SYT1: variants seen among roughly 807,000 people sequenced by gnomAD.
The protein encoded by SYT1 is synaptotagmin-1.
A neutral mutation model predicts 44.8 loss-of-function variants in SYT1; 8 were observed. The ratio of observed to expected loss-of-function variants is 0.18; its 90% CI spans 0.10 to 0.32. SYT1 has a LOEUF of 0.32. SYT1 is among the 10% of genes least tolerant of loss of function. SYT1 has a pLI of 1.00. For synonymous variants in SYT1, 154 were observed against 188.8 expected, an observed-to-expected ratio of 0.82 and a Z score of 1.51; for missense variants, 286 against 509.3, an observed-to-expected ratio of 0.56 and a Z score of 4.22.
At chr12:79,224,780 T>G (rs1875408448) in intron 4 of SYT1, among the ~76,000 whole-genome samples, 1 of 83,956 alleles carries the variant, frequency 1.2e-5, no homozygotes, top group East Asian at 2.7e-4. Flanking sequence ...TTATTATTAT[T>G]ATTATTATTA....
intron 1 of SYT1, among the ~76,000 whole-genome samples, chr12:78,937,423 A>C (rs1489572532): frequency 6.6e-6 from 1 of 152,134 alleles, no homozygotes; most frequent in Non-Finnish European, 1.5e-5. Flanking sequence ...CAAACAATGA[A>C]AATGTATCTT....
chr12:79,059,390 G>A (rs984100028), intron 3 of SYT1, among the ~76,000 whole-genome samples: 1 of 151,892 alleles, frequency 6.6e-6, no homozygotes, highest in South Asian at 2.1e-4. Flanking sequence ...ATATAATATT[G>A]TTTACCTATA....
chr12:79,125,803 C>T (rs2138154357), intron 3 of SYT1, among the ~76,000 whole-genome samples: 1 of 152,276 alleles, frequency 6.6e-6, no homozygotes, highest in East Asian at 1.9e-4. Context: ...AGGTAGCCCC[C>T]AAGTTTCTTC....
chr12:78,987,044 A>T (rs1236564016), intron 2 of SYT1, among the ~76,000 whole-genome samples: 1 of 152,050 alleles, frequency 6.6e-6, no homozygotes, highest in Admixed American at 6.6e-5. Flanking sequence ...CTGAATGAAT[A>T]TTGTCGTTCA....
chr12:79,171,991 A>G (rs1012474064), intron 3 of SYT1, among the ~76,000 whole-genome samples: 3 of 152,002 alleles, frequency 2.0e-5, no homozygotes, highest in African/African-American at 7.2e-5. Flanking sequence ...TTTTAAAGGT[A>G]TCTTGATTGT....
intron 6 of SYT1, among the ~76,000 whole-genome samples, chr12:79,294,441 A>G (rs1879781894): frequency 1.3e-5 from 2 of 152,138 alleles, no homozygotes; most frequent in African/African-American, 2.4e-5. Flanking sequence ...TGGATCAAAT[A>G]TATGTTTACC....
rs149496899 is a variant in SYT1, at chr12:78,931,405, G to GAGGAAGGAAGGAAGGA, written c.-216-46380_-216-46365dup. On this transcript the variant is annotated intron_variant, in intron 1 of 10. Coordinates refer to ENST00000261205, the MANE Select transcript of SYT1 (RefSeq NM_005639.3). ...GGAAGGAAGGAAGGAAGGGAGGAGA[G>GAGGAAGGAAGGAAGGA]AGGAAGGAAGGAAGGAAGGAAGGAA... 2.3e-4 allele frequency among the ~76,000 whole-genome samples: 21 copies of GAGGAAGGAAGGAAGGA among 92,106 alleles called. 1 individual carries two copies. The highest frequency in any genetic ancestry group is 9.5e-4 in the African/African-American group (20 of 21,080). 60.4% of individuals were successfully genotyped at this position (92,106 alleles called of 152,430 possible). A position where few individuals can be genotyped will look rare whatever the true frequency, so the allele number is the denominator to read the frequency against.
At chr12:79,133,050 T>G (rs1868951516) in intron 3 of SYT1, among the ~76,000 whole-genome samples, 1 of 152,200 alleles carries the variant, frequency 6.6e-6, no homozygotes, top group East Asian at 1.9e-4. Flanking sequence ...GTTTCTCTCA[T>G]GGAGGAAGAG....
At chr12:79,268,778 C>T (rs1249470200) in intron 4 of SYT1, among the ~76,000 whole-genome samples, 1 of 152,154 alleles carries the variant, frequency 6.6e-6, no homozygotes, top group Non-Finnish European at 1.5e-5. Flanking sequence ...CATGAATTTA[C>T]TACAAGGAAA....
rs192116069 is a variant in SYT1, at chr12:78,884,489, C to T, written c.-217+19380C>T. Among the ~76,000 whole-genome samples the T allele has an allele frequency of 5.2e-3, 782 of 151,484 alleles. 8 individuals are homozygous for T. The highest frequency in any genetic ancestry group is 0.018 in the African/African-American group (755 of 41,424). ...GTACTAAAGGATTTTATAGATTGAT[C>T]ATGTCTAAAGATTTTTGTAAATGTT... is the stretch of plus-strand genomic sequence containing the variant. On this transcript the variant is annotated intron_variant, in intron 1 of 10. Transcript: ENST00000261205.
chr12:79,310,838 A>G (rs1565902851), intron 8 of SYT1, among the ~76,000 whole-genome samples: 1 of 152,182 alleles, frequency 6.6e-6, no homozygotes, highest in Non-Finnish European at 1.5e-5. Flanking sequence ...GTGTATAAGA[A>G]TGCTTGTGAT....
intron 2 of SYT1, among the ~76,000 whole-genome samples, chr12:79,027,175 C>G (rs770783872): frequency 6.6e-6 from 1 of 151,534 alleles, no homozygotes; most frequent in Non-Finnish European, 1.5e-5. Flanking sequence ...AGTTTCTTAC[C>G]TGGATCCTCA....
At chr12:79,311,725 G>A (rs1277610906) in intron 8 of SYT1, among the ~76,000 whole-genome samples, 3 of 144,574 alleles carry the variant, frequency 2.1e-5, no homozygotes, top group Non-Finnish European at 4.5e-5. Context: ...GTAGGGACAT[G>A]GATGAAATTG....
At chr12:79,381,857 G>T (rs1444957113) in intron 9 of SYT1, among the ~76,000 whole-genome samples, 1 of 152,120 alleles carries the variant, frequency 6.6e-6, no homozygotes, top group African/African-American at 2.4e-5. Flanking sequence ...TGCTTCTACT[G>T]ACATGAACAG....
chr12:78,918,777 A>G (rs1267815278), intron 1 of SYT1, among the ~76,000 whole-genome samples: 8 of 152,100 alleles, frequency 5.3e-5, no homozygotes, highest in Admixed American at 2.6e-4. Context: ...GCAAACTATT[A>G]TAGTACTGAT....
intron 3 of SYT1, among the ~76,000 whole-genome samples, chr12:79,122,827 C>T: frequency 6.6e-6 from 1 of 152,184 alleles, no homozygotes; most frequent in Middle Eastern, 3.4e-3. Flanking sequence ...CTTTTATTTT[C>T]CCCATATTGC....
At chr12:79,301,855 C>G (rs566818771) in intron 8 of SYT1, among the ~76,000 whole-genome samples, 2 of 152,126 alleles carry the variant, frequency 1.3e-5, no homozygotes, top group Non-Finnish European at 2.9e-5. Context: ...TTTTGGTTTT[C>G]AGTTAGACTA....
At position 78,933,163 on chromosome 12, in the gene SYT1, T is replaced by G. The variant is rs149007581; in HGVS notation, c.-216-44636T>G. ...TAGGGCATAGATATTTCCTCATCTC[T>G]CTTTATCATCTTGCTTTCTACCATG... On this transcript the variant is annotated intron_variant, in intron 1 of 10. Coordinates refer to ENST00000261205, the MANE Select transcript of SYT1 (RefSeq NM_005639.3). 7.4e-3 allele frequency among the ~76,000 whole-genome samples: 1,128 copies of G among 152,240 alleles called. 13 individuals carry two copies. Among genetic ancestry groups the G allele is most frequent in the African/African-American group, 0.026 (1,071 of 41,550 alleles).
intron 4 of SYT1, among the ~76,000 whole-genome samples, chr12:79,259,845 T>C (rs1245838): frequency 0.71 from 108,038 of 152,184 alleles, 38,899 homozygotes; most frequent in African/African-American, 0.79. Context: ...CCTATTATTT[T>C]TTCTATAAGT....
Sources: gnomAD v4.1 joint callset for allele counts (sites outside exome capture counted in the v4.1 genomes callset) on GRCh38, gnomAD v4.1.1 for gene constraint, MANE v1.5 for transcripts, NCBI Gene and HGNC (gene_info 2026-07-23, HGNC 2026-07-21) for gene names.